Variants in GIGYF2 observed in about 807,000 individuals in gnomAD.
The protein encoded by GIGYF2 is GRB10-interacting GYF protein 2.
Under a neutral mutation model 208.1 loss-of-function variants are expected in GIGYF2, and 25 were observed. The observed-to-expected ratio is 0.12, with a 90% CI of 0.09 to 0.17. The LOEUF (loss-of-function observed/expected upper bound fraction) is 0.17, where lower values mean the gene tolerates loss of function less well. Among genes scored for constraint, GIGYF2 ranks in the 10% least tolerant of loss-of-function variants. The pLI, the probability that GIGYF2 is intolerant of heterozygous loss-of-function variation, is 1.00. For missense variants in GIGYF2, 1,302 were observed against 1,579.4 expected (o/e 0.82, Z 2.98); for synonymous variants, 534 against 543.8 (o/e 0.98, Z 0.25).
Position 232,747,762 on chromosome 2 carries a change from G to T in GIGYF2, c.171+18G>T, listed in dbSNP as rs1559400882. 1 of 1,611,104 alleles carries T rather than the reference G, an allele frequency of 6.2e-7. No individual in the cohort carries two copies. Among genetic ancestry groups the T allele is most frequent in the East Asian group, 2.2e-5 (1 of 44,852 alleles). On this transcript the variant is annotated intron_variant, in intron 4 of 28. Transcript: ENST00000373563. ...ACAACAAGGTAAGAAAGTAGGAAAA[G>T]AGTTCAAAATTGTGAATGAGACTTT...
chr2:232,783,981 C>A (rs963741316), intron 8 of GIGYF2, among the ~76,000 whole-genome samples: 1 of 152,226 alleles, frequency 6.6e-6, no homozygotes, highest in Non-Finnish European at 1.5e-5. Flanking sequence ...AGCCACCACG[C>A]CCAGCCTCAG....
intron 9 of GIGYF2, chr2:232,788,305 T>C (rs1323066059): frequency 6.0e-6 from 1 of 167,388 alleles, no homozygotes; most frequent in African/African-American, 2.4e-5. Context: ...AAGTTAATGT[T>C]TGGGTAGAGT....
chr2:232,799,932 AATGTCTATTC>A (rs750799610), intron 14 of GIGYF2, among the ~76,000 whole-genome samples: 3 of 151,476 alleles, frequency 2.0e-5, no homozygotes, highest in Admixed American at 6.6e-5. Context: ...TCTTTGGTGA[AATGTCTATTC>A]AAGTCCTTTG....
chr2:232,789,482 G>T (rs1312692320), intron 9 of GIGYF2, among the ~76,000 whole-genome samples: 1 of 152,204 alleles, frequency 6.6e-6, no homozygotes, highest in East Asian at 1.9e-4. Context: ...TAAGCAGTCT[G>T]AGTATAAAAT....
At chr2:232,834,705 G>A (rs10211596) in intron 22 of GIGYF2, among the ~76,000 whole-genome samples, 80,384 of 151,910 alleles carry the variant, frequency 0.53, 21,769 homozygotes, top group Admixed American at 0.61. Context: ...ACTTAATGGT[G>A]TCTCATTTCT....
At chr2:232,800,352 A>G (rs1700358366) in intron 14 of GIGYF2, among the ~76,000 whole-genome samples, 1 of 151,954 alleles carries the variant, frequency 6.6e-6, no homozygotes, top group Non-Finnish European at 1.5e-5. Context: ...TGGATATCCA[A>G]TTTTCCAAAT....
chr2:232,739,361 A>ACCCCCC (rs35983968), intron 3 of GIGYF2, among the ~76,000 whole-genome samples: 1 of 75,598 alleles, frequency 1.3e-5, no homozygotes, highest in Non-Finnish European at 2.5e-5. Flanking sequence ...ACAAAAGCAA[A>ACCCCCC]CCCCCCCCCC....
At position 232,858,473 on chromosome 2, in the gene GIGYF2, T is replaced by C. The variant is rs1204345544; in HGVS notation, c.*1613T>C. The C allele has an allele frequency of 2.2e-6, 1 of 455,298 alleles. No homozygotes were observed. Among genetic ancestry groups the C allele is most frequent in the South Asian group, 1.6e-5 (1 of 64,324 alleles). 28.2% of individuals were successfully genotyped at this position (455,298 alleles called of 1,614,324 possible). A position where few individuals can be genotyped will look rare whatever the true frequency, so the allele number is the denominator to read the frequency against. ...TGAGGGGAGAGGAAACCATTAAAAG[T>C]TGGGGCTCCTACTCTCCTTTGCTTT... is the stretch of plus-strand genomic sequence containing the variant. On this transcript the variant is annotated 3_prime_UTR_variant, in exon 29 of 29. Transcript: ENST00000373563.
intron 18 of GIGYF2, among the ~76,000 whole-genome samples, chr2:232,813,088 C>G (rs1700784379): frequency 6.6e-6 from 1 of 151,810 alleles, no homozygotes; most frequent in African/African-American, 2.4e-5. Flanking sequence ...GAATTGAGCA[C>G]CTTTTCTCAT....
At chr2:232,761,539 C>T (rs926229372) in intron 8 of GIGYF2, 103 bp downstream of exon 8, 25 of 718,608 alleles carry the variant, frequency 3.5e-5, no homozygotes, top group Non-Finnish European at 5.6e-5. Context: ...TGCATTTAAA[C>T]TTCCACGGTT....
chr2:232,790,574 C>G (rs1700040468), intron 9 of GIGYF2, 124 bp from the exon 10 acceptor site: 2 of 814,878 alleles, frequency 2.5e-6, no homozygotes, highest in Non-Finnish European at 4.4e-6. Flanking sequence ...GTTCTCTTTA[C>G]TAGGTCAGTC....
chr2:232,817,032 GGTAT>G lies in GIGYF2; in HGVS notation c.2370+5_2370+8del, dbSNP rs765963131. 3 of 1,608,962 alleles carry G rather than the reference GGTAT, an allele frequency of 1.9e-6. No individual in the cohort carries two copies. Among genetic ancestry groups the G allele is most frequent in the Non-Finnish European group, 2.6e-6 (3 of 1,175,282 alleles). ...AAGAAGAACTTGCCCGAAGGAAACAGGTATGTATCTGGGAACTCTGACCATAGGA... is the reference window on the plus strand; with the variant it reads ...AAGAAGAACTTGCCCGAAGGAAACAGGTATCTGGGAACTCTGACCATAGGA... On this transcript the variant is annotated splice_donor_variant and splice_donor_region_variant and intron_variant, in intron 20 of 28. Coordinates refer to ENST00000373563, the MANE Select transcript of GIGYF2 (RefSeq NM_001103146.3). LOFTEE classifies it high-confidence loss of function.
At chr2:232,841,871 T>A (rs188300189) in intron 23 of GIGYF2, among the ~76,000 whole-genome samples, 2 of 152,188 alleles carry the variant, frequency 1.3e-5, no homozygotes, top group Non-Finnish European at 1.5e-5. Flanking sequence ...CAGGACTGAT[T>A]TTGATTTTCT....
At chr2:232,745,710 A>G (rs1361749692) in intron 3 of GIGYF2, among the ~76,000 whole-genome samples, 1 of 152,214 alleles carries the variant, frequency 6.6e-6, no homozygotes, top group African/African-American at 2.4e-5. Context: ...AAAGAATATA[A>G]TCACTTACAA....
At chr2:232,728,332 AG>A (rs1489999834) in intron 2 of GIGYF2, among the ~76,000 whole-genome samples, 1 of 152,222 alleles carries the variant, frequency 6.6e-6, no homozygotes, top group Non-Finnish European at 1.5e-5. Flanking sequence ...ATGATCAGAA[AG>A]GTGCCTTAGG....
chr2:232,824,678 A>G (rs945016484), intron 21 of GIGYF2, among the ~76,000 whole-genome samples: 4 of 152,270 alleles, frequency 2.6e-5, no homozygotes, highest in Admixed American at 2.6e-4. Flanking sequence ...AGCTGCAGCA[A>G]GTTATCCAGA....
At chr2:232,741,683 A>G (rs1210438006) in intron 3 of GIGYF2, among the ~76,000 whole-genome samples, 1 of 152,082 alleles carries the variant, frequency 6.6e-6, no homozygotes, top group Non-Finnish European at 1.5e-5. Context: ...ACCTCAAGTG[A>G]TCTGCCCTCC....
At chr2:232,850,471 T>C (rs1227482539) in intron 28 of GIGYF2, 62 bp downstream of exon 28, 2 of 1,436,530 alleles carry the variant, frequency 1.4e-6, no homozygotes, top group Admixed American at 1.7e-5. Flanking sequence ...AGTTATCCTG[T>C]GTGAGTTTCC....
chr2:232,829,519 G>A (rs745997715), intron 21 of GIGYF2, among the ~76,000 whole-genome samples: 3 of 152,192 alleles, frequency 2.0e-5, no homozygotes, highest in African/African-American at 4.8e-5. Context: ...CTTCAACATT[G>A]CACTCCACTC....
Sources: gnomAD v4.1 joint callset for allele counts (sites outside exome capture counted in the v4.1 genomes callset) on GRCh38, gnomAD v4.1.1 for gene constraint, MANE v1.5 for transcripts, NCBI Gene and HGNC (gene_info 2026-07-23, HGNC 2026-07-21) for gene names.